The following USH2A variants were observed in gnomAD, a reference collection of about 807,000 sequenced individuals.
USH2A encodes Usher syndrome 2A (autosomal recessive, mild).
Under a neutral mutation model 538.9 loss-of-function variants are expected in USH2A, and 443 were observed. The observed-to-expected ratio is 0.82, with a 90% CI of 0.76 to 0.89. The LOEUF (loss-of-function observed/expected upper bound fraction) is 0.89. USH2A is among the 40% of genes least tolerant of loss of function. USH2A has a pLI of 0.00. For synonymous variants in USH2A, 2,413 were observed against 2,273.5 expected, an observed-to-expected ratio of 1.06 and a Z score of -1.75; for missense variants, 6,633 against 6,324.8, an observed-to-expected ratio of 1.05 and a Z score of -1.65.
chr1:216,019,682 A>G (rs1002597404), intron 32 of USH2A, among the ~76,000 whole-genome samples: 9 of 152,194 alleles, frequency 5.9e-5, no homozygotes, highest in African/African-American at 1.9e-4. Flanking sequence ...TACTTGCTCT[A>G]GTAGTTACAA....
intron 37 of USH2A, among the ~76,000 whole-genome samples, chr1:215,962,832 T>TA (rs1310381716): frequency 6.6e-6 from 1 of 152,152 alleles, no homozygotes; most frequent in Non-Finnish European, 1.5e-5. Context: ...GAACAATTTT[T>TA]AAGAAAAATC....
At chr1:215,889,282 CCTCT>C (rs1025630254) in intron 40 of USH2A, among the ~76,000 whole-genome samples, 25 of 152,168 alleles carry the variant, frequency 1.6e-4, no homozygotes, top group Middle Eastern at 3.4e-3. Context: ...TGATCATTTT[CCTCT>C]CTAAGACAGC....
intron 32 of USH2A, among the ~76,000 whole-genome samples, chr1:216,039,901 C>CA (rs1001890419): frequency 1.3e-4 from 19 of 150,316 alleles, no homozygotes; most frequent in African/African-American, 2.7e-4. Context: ...CAAATAAGAC[C>CA]AAAAAAAAAG....
At chr1:216,175,878 GGCT>G (rs2034370554) in intron 20 of USH2A, among the ~76,000 whole-genome samples, 1 of 152,054 alleles carries the variant, frequency 6.6e-6, no homozygotes, top group East Asian at 1.9e-4. Context: ...GATGGCTCAT[GGCT>G]GCCCCCTTCT....
intron 61 of USH2A, among the ~76,000 whole-genome samples, chr1:215,693,094 G>A (rs78691072): frequency 1.8e-4 from 14 of 78,608 alleles, no homozygotes; most frequent in African/African-American, 4.1e-4. Context: ...ATATATATAT[G>A]TGTGTGTGTG....
intron 38 of USH2A, among the ~76,000 whole-genome samples, chr1:215,931,406 T>C (rs546886129): frequency 5.7e-4 from 87 of 152,086 alleles, no homozygotes; most frequent in Middle Eastern, 3.4e-3. Context: ...AAGGATTGTT[T>C]ATTCTATGCT....
chr1:215,875,256 C>A (rs764692096), intron 43 of USH2A, among the ~76,000 whole-genome samples: 1 of 151,824 alleles, frequency 6.6e-6, no homozygotes, highest in Admixed American at 6.6e-5. Flanking sequence ...TAAAGACTCA[C>A]GCCATTTACA....
chr1:216,173,498 A>G (rs982109597), intron 21 of USH2A, among the ~76,000 whole-genome samples: 2 of 152,162 alleles, frequency 1.3e-5, no homozygotes, highest in African/African-American at 2.4e-5. Context: ...GTGTACTCCA[A>G]GCATATTTTC....
chr1:216,151,116 T>C (rs1041341255), intron 21 of USH2A, among the ~76,000 whole-genome samples: 9 of 152,044 alleles, frequency 5.9e-5, no homozygotes, highest in African/African-American at 1.9e-4. Context: ...TCGTAGATAC[T>C]CAACGTTTTC....
intron 41 of USH2A, among the ~76,000 whole-genome samples, chr1:215,887,075 T>C (rs1021704484): frequency 9.2e-5 from 14 of 152,182 alleles, no homozygotes; most frequent in South Asian, 2.1e-4. Flanking sequence ...GCCAGGATGG[T>C]CTCGATCTCC....
chr1:216,174,571 T>A, intron 21 of USH2A: 15 of 982,052 alleles, frequency 1.5e-5, no homozygotes, highest in Non-Finnish European at 1.8e-5. Context: ...TTTTTAAAAA[T>A]ATTGCATTAA....
intron 58 of USH2A, among the ~76,000 whole-genome samples, chr1:215,745,843 T>C (rs2102730304): frequency 6.6e-6 from 1 of 152,294 alleles, no homozygotes; most frequent in South Asian, 2.1e-4. Flanking sequence ...ATTTGTGCAG[T>C]AAGGCAGAGC....
chr1:216,070,067 A>T (rs1430864404), intron 30 of USH2A, 34 bp downstream of exon 30: 1 of 1,610,468 alleles, frequency 6.2e-7, no homozygotes, highest in South Asian at 1.1e-5. Flanking sequence ...AAAGGAAGTT[A>T]ATAGGGTCTA....
intron 67 of USH2A, 72 bp downstream of exon 67, chr1:215,647,435 AAAAGTGGCTTCTCCG>A: frequency 6.5e-7 from 1 of 1,533,046 alleles, no homozygotes; most frequent in Non-Finnish European, 9.0e-7. Flanking sequence ...ATCTGTTTTT[AAAAGTGGCTTCTCCG>A]AGTTTCAGGG....
intron 36 of USH2A, among the ~76,000 whole-genome samples, chr1:215,967,609 A>G (rs894351377): frequency 6.6e-6 from 1 of 152,184 alleles, no homozygotes; most frequent in African/African-American, 2.4e-5. Context: ...TAGAATAAGT[A>G]TATCTCCTAA....
rs1255708402 is a variant in USH2A, at chr1:216,072,986, A to G, written c.5777-17T>C. ...ACAGGTATTCTTAAATGGAAATAAG[A>G]TGCAGCAAGATTAAAATAATACTCA... On this transcript the variant is annotated splice_polypyrimidine_tract_variant and intron_variant, in intron 28 of 71. Coordinates refer to ENST00000307340, the MANE Select transcript of USH2A (RefSeq NM_206933.4). 1 of 1,613,630 alleles carries G rather than the reference A, an allele frequency of 6.2e-7. No homozygotes were observed. The highest frequency in any genetic ancestry group is 1.7e-5 in the Admixed American group (1 of 59,958).
chr1:216,242,132 A>G (rs1448041358), intron 13 of USH2A, among the ~76,000 whole-genome samples: 1 of 151,844 alleles, frequency 6.6e-6, no homozygotes, highest in African/African-American at 2.4e-5. Context: ...CAGGCAGATC[A>G]CGAAGTCAGG....
chr1:215,631,476 C>T (rs1202042518), intron 70 of USH2A, among the ~76,000 whole-genome samples: 1 of 152,174 alleles, frequency 6.6e-6, no homozygotes, highest in African/African-American at 2.4e-5. Flanking sequence ...GACAATGTCT[C>T]TCATGGTCTC....
At chr1:216,248,860 C>T (rs909039841) in intron 12 of USH2A, among the ~76,000 whole-genome samples, 15 of 152,074 alleles carry the variant, frequency 9.9e-5, no homozygotes, top group Admixed American at 6.6e-4. Context: ...GCATCACATT[C>T]GGTGTTAACA....
Sources: gnomAD v4.1 joint callset for allele counts (sites outside exome capture counted in the v4.1 genomes callset) on GRCh38, gnomAD v4.1.1 for gene constraint, MANE v1.5 for transcripts, NCBI Gene and HGNC (gene_info 2026-07-23, HGNC 2026-07-21) for gene names.